ALK: variants seen among roughly 807,000 people sequenced by gnomAD.
ALK encodes ALK receptor tyrosine kinase.
In ALK, 74 loss-of-function variants were observed where a neutral mutation model predicts 163.1. That is an observed-to-expected ratio of 0.45 (90% CI 0.38 to 0.55). The LOEUF is 0.55. Among genes scored for constraint, ALK ranks in the 20% least tolerant of loss-of-function variants. The probability of loss-of-function intolerance (pLI) is 0.00; values close to 1 mark genes in which losing one functional copy is unlikely to be tolerated. For synonymous variants in ALK, 960 were observed against 843.2 expected, an observed-to-expected ratio of 1.14 and a Z score of -2.40; for missense variants, 2,063 against 2,105.3, an observed-to-expected ratio of 0.98 and a Z score of 0.39.
intron 4 of ALK, among the ~76,000 whole-genome samples, chr2:29,494,136 G>A (rs745968581): frequency 2.0e-5 from 3 of 152,194 alleles, no homozygotes; most frequent in Non-Finnish European, 2.9e-5. Flanking sequence ...CCAATGTGAT[G>A]GGTGGCTTAG....
At chr2:29,503,738 G>T (rs1006075662) in intron 4 of ALK, among the ~76,000 whole-genome samples, 1 of 152,104 alleles carries the variant, frequency 6.6e-6, no homozygotes, top group Non-Finnish European at 1.5e-5. Context: ...TGGGCATGGG[G>T]TGAGGCGTGG....
chr2:29,507,295 T>C (rs1459113262), intron 4 of ALK, among the ~76,000 whole-genome samples: 3 of 152,206 alleles, frequency 2.0e-5, no homozygotes, highest in Non-Finnish European at 2.9e-5. Context: ...TACCATCGAA[T>C]TCTACATTTT....
chr2:29,482,863 T>C (rs1363461874), intron 4 of ALK, among the ~76,000 whole-genome samples: 1 of 152,058 alleles, frequency 6.6e-6, no homozygotes, highest in Non-Finnish European at 1.5e-5. Flanking sequence ...AGTAGGAAGC[T>C]CCCCAAGAGA....
intron 1 of ALK, among the ~76,000 whole-genome samples, chr2:29,746,206 C>G (rs1173697408): frequency 6.6e-6 from 1 of 152,132 alleles, no homozygotes; most frequent in African/African-American, 2.4e-5. Context: ...GACTCCACAG[C>G]CTGCTCTATC....
At chr2:29,296,804 G>C in intron 9 of ALK, 84 bp downstream of exon 9, 1 of 1,578,676 alleles carries the variant, frequency 6.3e-7, no homozygotes, top group Non-Finnish European at 8.7e-7. Context: ...TTGGGTAAAA[G>C]GCACGGGGAA....
chr2:29,912,370 G>T (rs7605273), intron 1 of ALK, among the ~76,000 whole-genome samples: 9,612 of 152,154 alleles, frequency 0.063, 628 homozygotes, highest in East Asian at 0.17. Flanking sequence ...GAACAACAAT[G>T]TAATGGCAGA....
chr2:29,418,517 G>A (rs1669936965), intron 4 of ALK, among the ~76,000 whole-genome samples: 1 of 152,214 alleles, frequency 6.6e-6, no homozygotes, highest in Non-Finnish European at 1.5e-5. Flanking sequence ...TACCCACGAT[G>A]TAATTTTTCA....
intron 1 of ALK, among the ~76,000 whole-genome samples, chr2:29,881,678 G>T (rs1426772458): frequency 6.6e-6 from 1 of 152,122 alleles, no homozygotes; most frequent in Non-Finnish European, 1.5e-5. Context: ...TGGGGCAAAA[G>T]TTCTACCCAG....
intron 15 of ALK, among the ~76,000 whole-genome samples, chr2:29,231,348 CA>C (rs2148182531): frequency 6.6e-6 from 1 of 152,138 alleles, no homozygotes; most frequent in Non-Finnish European, 1.5e-5. Context: ...AAACAAAAAA[CA>C]AAAAACAAAA....
chr2:29,280,655 A>G (rs1004365509), intron 9 of ALK, among the ~76,000 whole-genome samples: 10 of 140,458 alleles, frequency 7.1e-5, no homozygotes, highest in Non-Finnish European at 1.1e-4. Context: ...TGTACCAGGT[A>G]GCCCACTCTG....
At chr2:29,197,739 A>G (rs1358343825) in intron 26 of ALK, 63 bp from the exon 27 acceptor site, 1 of 1,298,882 alleles carries the variant, frequency 7.7e-7, no homozygotes, top group East Asian at 2.3e-5. Context: ...TCACACACAC[A>G]CACAGGCACA....
At chr2:29,610,581 G>A (rs544707820) in intron 3 of ALK, among the ~76,000 whole-genome samples, 1 of 152,186 alleles carries the variant, frequency 6.6e-6, no homozygotes, top group African/African-American at 2.4e-5. Flanking sequence ...CGGCAGATAG[G>A]AGAACTTGGT....
intron 3 of ALK, among the ~76,000 whole-genome samples, chr2:29,621,994 A>G (rs2148229895): frequency 6.6e-6 from 1 of 152,162 alleles, no homozygotes; most frequent in South Asian, 2.1e-4. Context: ...ATCTTTGCCC[A>G]CCTCACTATG....
intron 1 of ALK, among the ~76,000 whole-genome samples, chr2:29,743,426 T>C (rs968959858): frequency 2.0e-5 from 3 of 152,124 alleles, no homozygotes; most frequent in Non-Finnish European, 4.4e-5. Context: ...CTTGGTGGTA[T>C]AAAATTAAAG....
chr2:29,245,211 T>C (rs1483139015), intron 12 of ALK, among the ~76,000 whole-genome samples: 398 of 86,068 alleles, frequency 4.6e-3, no homozygotes, highest in Middle Eastern at 0.024. Context: ...TGGCTCAGTG[T>C]CCTGCACATA....
intron 2 of ALK, among the ~76,000 whole-genome samples, chr2:29,699,407 T>A (rs1335712252): frequency 6.6e-6 from 1 of 152,192 alleles, no homozygotes; most frequent in African/African-American, 2.4e-5. Context: ...ATGAAAGGAC[T>A]ACCCCAAGGC....
chr2:29,579,227 C>T (rs963185630), intron 3 of ALK, among the ~76,000 whole-genome samples: 1 of 152,210 alleles, frequency 6.6e-6, no homozygotes, highest in African/African-American at 2.4e-5. Flanking sequence ...GCAATTTTGT[C>T]TTTGACTTGC....
intron 9 of ALK, among the ~76,000 whole-genome samples, chr2:29,281,424 G>A (rs1046534528): frequency 9.9e-5 from 15 of 152,210 alleles, no homozygotes; most frequent in African/African-American, 3.4e-4. Flanking sequence ...TGTTGCCTAA[G>A]AACGTGGCAG....
At chr2:29,771,452 T>C (rs527515049) in intron 1 of ALK, among the ~76,000 whole-genome samples, 158 of 152,182 alleles carry the variant, frequency 1.0e-3, no homozygotes, top group African/African-American at 3.5e-3. Flanking sequence ...AACTTCTCAA[T>C]AGTAATACCA....
Sources: allele counts gnomAD v4.1 joint callset (sites outside exome capture counted in the v4.1 genomes callset), GRCh38; gene constraint gnomAD v4.1.1; transcripts MANE v1.5; gene names NCBI Gene and HGNC (gene_info 2026-07-23, HGNC 2026-07-21).